Variants in PLIN3 observed in about 807,000 individuals in gnomAD.
The protein encoded by PLIN3 is perilipin 3.
Under a neutral mutation model 35.9 loss-of-function variants are expected in PLIN3, and 30 were observed. The ratio of observed to expected loss-of-function variants is 0.84; its 90% CI spans 0.62 to 1.13. The LOEUF is 1.13. PLIN3 is among the 50% of genes most tolerant of loss of function. PLIN3 has a pLI of 0.00. For missense variants in PLIN3, 603 were observed against 596.9 expected (o/e 1.01, Z -0.11); for synonymous variants, 261 against 262.5 (o/e 0.99, Z 0.06).
chr19:4,866,835 G>C (rs527629749), intron 1 of PLIN3: 1 of 152,264 alleles, frequency 6.6e-6, no homozygotes, highest in Non-Finnish European at 1.5e-5. Context: ...GGTGGCCATG[G>C]CAGATGTCAA....
Position 4,839,313 on chromosome 19 carries a change from G to A in PLIN3, c.1184C>T (p.Ala395Val). 1.9e-6 allele frequency: 3 copies of A among 1,614,012 alleles called. No homozygotes were observed. The highest frequency in any genetic ancestry group is 2.5e-6 in the Non-Finnish European group (3 of 1,179,974). ...SILAQSRERV[A>V]SAREALDHMV... ...GTGGTCCAGGGCCTCGCGGGCGCTG[G>A]CGACACGCTCACGGCTCTGGGCCAG... Residue 395 changes from alanine to valine, a missense_variant, in exon 8 of 8, where the codon GCC becomes GTC. By Grantham distance (64) the Ala-to-Val change is moderately conservative. Coordinates refer to ENST00000221957, the MANE Select transcript of PLIN3 (RefSeq NM_005817.5).
rs758971173 is a variant in PLIN3 at position 4,852,063 on chromosome 19, G to T, written c.587C>A (p.Ser196Ter). 6.2e-7 allele frequency: 1 copy of T among 1,613,964 alleles called. No homozygotes were observed. Among genetic ancestry groups the T allele is most frequent in the South Asian group, 1.1e-5 (1 of 91,074 alleles). ...CAGGTGGTTGTCCGCCCACTCCTCC[G>T]ACTTCCCCAGCACCGTGTCGACCCC... ...LSGVDTVLGK[S>*]EEWADNHLPL... The change falls in exon 5 of 8, where the codon TCG becomes TAG. Residue 196 changes from serine to a stop codon, truncating the protein, a stop_gained. Coordinates refer to ENST00000221957, the MANE Select transcript of PLIN3 (RefSeq NM_005817.5). LOFTEE classifies it high-confidence loss of function.
intron 7 of PLIN3, among the ~76,000 whole-genome samples, chr19:4,843,456 T>C (rs1476102267): frequency 1.3e-5 from 2 of 151,198 alleles, no homozygotes; most frequent in Non-Finnish European, 1.5e-5. Flanking sequence ...GGTAGTGAGC[T>C]GAGATTACAC....
At position 4,861,360 on chromosome 19, in the gene PLIN3, G is replaced by A. The variant is rs2030669486; in HGVS notation, c.35C>T (p.Thr12Ile). ...TACCGGTTCTTCCACTGTCACCTGGGTGCTGCCATCAGCCTCTGCCCCGTC... is the reference window on the plus strand; with the variant it reads ...TACCGGTTCTTCCACTGTCACCTGGATGCTGCCATCAGCCTCTGCCCCGTC... Reference protein sequence around the residue: ...SADGAEADGSTQVTVEEPVQQ... With the variant: ...SADGAEADGSIQVTVEEPVQQ... Residue 12 changes from threonine to isoleucine, a missense_variant, in exon 2 of 8, where the codon ACC becomes ATC. Coordinates refer to ENST00000221957, the MANE Select transcript of PLIN3 (RefSeq NM_005817.5). The A allele has an allele frequency of 6.2e-7, 1 of 1,613,006 alleles. No individual in the cohort carries two copies. Among genetic ancestry groups the A allele is most frequent in the Non-Finnish European group, 8.5e-7 (1 of 1,179,670 alleles).
At chr19:4,863,785 A>T (rs1284459110) in intron 1 of PLIN3, among the ~76,000 whole-genome samples, 1 of 149,016 alleles carries the variant, frequency 6.7e-6, no homozygotes, top group Non-Finnish European at 1.5e-5. Context: ...CTGGTATTGC[A>T]CCACTGCACT....
intron 1 of PLIN3, among the ~76,000 whole-genome samples, chr19:4,864,173 C>CA (rs2030772101): frequency 7.1e-6 from 1 of 141,682 alleles, no homozygotes; most frequent in Non-Finnish European, 1.5e-5. Flanking sequence ...TTTTTTTGGA[C>CA]AGGGAGTCTT....
At chr19:4,848,698 C>T (rs1358375641) in intron 5 of PLIN3, among the ~76,000 whole-genome samples, 2 of 152,160 alleles carry the variant, frequency 1.3e-5, no homozygotes, top group African/African-American at 4.8e-5. Flanking sequence ...ACTACCCCAT[C>T]TCTACTAAAA....
intron 4 of PLIN3, among the ~76,000 whole-genome samples, chr19:4,854,843 G>A (rs965102023): frequency 5.9e-5 from 9 of 152,042 alleles, no homozygotes; most frequent in Non-Finnish European, 2.9e-5. Context: ...GGCCAGGCAC[G>A]GTGGCTCACA....
chr19:4,841,927 GA>G (rs34180755), intron 7 of PLIN3, among the ~76,000 whole-genome samples: 65,798 of 114,908 alleles, frequency 0.57, 18,333 homozygotes, highest in South Asian at 0.71. Context: ...AAAAAAAAAA[GA>G]AAAAAAAAAG....
intron 4 of PLIN3, among the ~76,000 whole-genome samples, chr19:4,856,862 C>G (rs779282260): frequency 2.0e-5 from 3 of 151,812 alleles, no homozygotes; most frequent in South Asian, 2.1e-4. Context: ...CTCACCATCA[C>G]GCCTGGCTGA....
chr19:4,862,770 C>T (rs1348405806), intron 1 of PLIN3, among the ~76,000 whole-genome samples: 1 of 152,198 alleles, frequency 6.6e-6, no homozygotes, highest in African/African-American at 2.4e-5. Context: ...GAAGAACCCA[C>T]ACCTGTGTTT....
At chr19:4,860,424 T>G (rs181655393) in intron 2 of PLIN3, among the ~76,000 whole-genome samples, 3 of 151,876 alleles carry the variant, frequency 2.0e-5, no homozygotes, top group South Asian at 4.2e-4. Context: ...AGGCTGGTCT[T>G]GAACTCCTGA....
intron 1 of PLIN3, among the ~76,000 whole-genome samples, chr19:4,862,465 C>G (rs894400255): frequency 6.6e-6 from 1 of 151,970 alleles, no homozygotes; most frequent in Non-Finnish European, 1.5e-5. Flanking sequence ...AGGCTGGTCT[C>G]GAATTCCTGG....
chr19:4,844,608 TAG>T (rs762361080), intron 7 of PLIN3, 58 bp downstream of exon 7: 432 of 1,526,152 alleles, frequency 2.8e-4, no homozygotes, highest in Admixed American at 1.9e-3. Flanking sequence ...AGCAGAGGTG[TAG>T]AGAGTGGCAT....
intron 1 of PLIN3, among the ~76,000 whole-genome samples, chr19:4,864,952 G>A (rs991790434): frequency 3.9e-5 from 6 of 152,178 alleles, no homozygotes; most frequent in Admixed American, 2.6e-4. Flanking sequence ...AGCACGCTGG[G>A]AGGCTGAGGT....
chr19:4,843,289 A>G lies in PLIN3; in HGVS notation c.960+1379T>C, dbSNP rs534895254. Among the ~76,000 whole-genome samples, 23 of 151,624 alleles carry G rather than the reference A, an allele frequency of 1.5e-4. No homozygotes were observed. In the South Asian group the frequency reaches 2.9e-3, roughly 19 times the overall value. ...TGGGAGGCCGAGGCGGGCGGATCAC[A>G]AGGTCAGCAGATCAAGACCATCCCG... On this transcript the variant is annotated intron_variant, in intron 7 of 7. Coordinates refer to ENST00000221957, the MANE Select transcript of PLIN3 (RefSeq NM_005817.5).
At chr19:4,852,406 C>G (rs1259468365) in intron 4 of PLIN3, 105 bp from the exon 5 acceptor site, 3 of 1,352,252 alleles carry the variant, frequency 2.2e-6, no homozygotes, top group Admixed American at 2.1e-5. Flanking sequence ...GCGCCATCCC[C>G]CGGGTGACCC....
intron 7 of PLIN3, among the ~76,000 whole-genome samples, chr19:4,843,541 T>TAAA (rs2029981506): frequency 1.7e-5 from 1 of 59,298 alleles, no homozygotes; most frequent in African/African-American, 6.9e-5. Context: ...AAATAAATAA[T>TAAA]TGATCTGGGG....
chr19:4,841,854 G>A lies in PLIN3; in HGVS notation c.961-2318C>T, dbSNP rs1180274897. ...CGGGAGGCGGAGCTTGCAGTGAGCC[G>A]AAATCGCGTCACTGCACTCCAGCCT... On this transcript the variant is annotated intron_variant, in intron 7 of 7. Coordinates refer to ENST00000221957, the MANE Select transcript of PLIN3 (RefSeq NM_005817.5). 6.4e-5 allele frequency among the ~76,000 whole-genome samples: 8 copies of A among 125,328 alleles called. No homozygotes were observed. The East Asian group carries it at 1.7e-3, about 27-fold the overall frequency. 82.2% of individuals were successfully genotyped at this position (125,328 alleles called of 152,430 possible).
Sources: gnomAD v4.1 joint callset for allele counts (sites outside exome capture counted in the v4.1 genomes callset) on GRCh38, gnomAD v4.1.1 for gene constraint, MANE v1.5 for transcripts, NCBI Gene and HGNC (gene_info 2026-07-23, HGNC 2026-07-21) for gene names.